The following CFAP299 variants were observed in gnomAD, a reference collection of about 807,000 sequenced individuals.
CFAP299 encodes cilia and flagella associated protein 299, also known as cilia- and flagella-associated protein 299.
A neutral mutation model predicts 27.0 loss-of-function variants in CFAP299; 21 were observed. The observed-to-expected ratio is 0.78, with a 90% confidence interval of 0.55 to 1.12. The LOEUF (loss-of-function observed/expected upper bound fraction) is 1.12. CFAP299 is among the 50% of genes most tolerant of loss of function. CFAP299 has a pLI of 0.00. For synonymous variants in CFAP299, 104 were observed against 98.1 expected (o/e 1.06, Z -0.36); for missense variants, 310 against 276.6 (o/e 1.12, Z -0.86).
At chr4:80,406,132 A>G (rs1198016484) in intron 2 of CFAP299, among the ~76,000 whole-genome samples, 2 of 152,206 alleles carry the variant, frequency 1.3e-5, no homozygotes, top group Non-Finnish European at 2.9e-5. Context: ...ATATGTTAGT[A>G]TATTGATTTA....
At chr4:80,728,680 A>G (rs1358506804) in intron 3 of CFAP299, among the ~76,000 whole-genome samples, 1 of 152,194 alleles carries the variant, frequency 6.6e-6, no homozygotes, top group Admixed American at 6.6e-5. Context: ...TCTTTGAGTT[A>G]TATTTTCTCA....
intron 2 of CFAP299, among the ~76,000 whole-genome samples, chr4:80,503,085 G>T (rs1578524027): frequency 6.6e-6 from 1 of 152,256 alleles, no homozygotes; most frequent in Middle Eastern, 3.4e-3. Context: ...CCTGCAGTCT[G>T]CCTAAACTGA....
Position 80,800,745 on chromosome 4 carries a change from CAG to C in CFAP299, c.334-69247_334-69246del, listed in dbSNP as rs568473557. Among the ~76,000 whole-genome samples the C allele has an allele frequency of 1.9e-3, 42 of 22,484 alleles. 1 individual carries two copies. The South Asian group carries it at 0.064, about 34-fold the overall frequency. The allele number at this position is 22,484 out of a possible 152,430, so 14.8% of individuals were successfully genotyped here. ...GTCCATATGTGTATATATATATAAT[CAG>C]TGTGTGTGTGTGTGTGTGTGTATAT... On this transcript the variant is annotated intron_variant, in intron 3 of 5. Transcript: ENST00000358105.
At chr4:80,850,124 C>A (rs1180384410) in intron 3 of CFAP299, among the ~76,000 whole-genome samples, 3 of 152,186 alleles carry the variant, frequency 2.0e-5, no homozygotes, top group East Asian at 3.9e-4. Flanking sequence ...GATACTTCAA[C>A]TTTCTGATTC....
chr4:80,933,501 T>A (rs1736735695), intron 4 of CFAP299, among the ~76,000 whole-genome samples: 1 of 152,160 alleles, frequency 6.6e-6, no homozygotes, highest in African/African-American at 2.4e-5. Flanking sequence ...AAAATTATAT[T>A]TGCATTGAAT....
intron 1 of CFAP299, among the ~76,000 whole-genome samples, chr4:80,344,949 T>C (rs1276409627): frequency 1.3e-5 from 2 of 152,100 alleles, no homozygotes; most frequent in Non-Finnish European, 2.9e-5. Flanking sequence ...CATCCCTTTA[T>C]GTTACTCTCA....
At chr4:80,327,761 A>AT in the CFAP299 span, among the ~76,000 whole-genome samples, 2 of 45,244 alleles carry the variant, frequency 4.4e-5, no homozygotes, top group South Asian at 6.1e-4. Context: ...TGAGAAAGCT[A>AT]AACTAGCTGG....
In CFAP299 at chr4:80,870,945, C is replaced by T. The variant is rs183618295; in HGVS notation, c.476+810C>T. The T allele has an allele frequency of 4.6e-3, 4,292 of 930,600 alleles. 22 individuals carry two copies. Among genetic ancestry groups the T allele is most frequent in the Non-Finnish European group, 4.7e-3 (3,687 of 779,998 alleles). 57.6% of individuals were successfully genotyped at this position (930,600 alleles called of 1,614,324 possible). On this transcript the variant is annotated intron_variant, in intron 4 of 5. Transcript: ENST00000358105. ...TTTTTGAGATGGAGTCTCGCTCTGT[C>T]GCCCAGGCTGGAGTGCAATGGTGCA...
chr4:80,609,052 TAAGTC>T (rs1218379742), intron 3 of CFAP299, among the ~76,000 whole-genome samples: 1 of 152,104 alleles, frequency 6.6e-6, no homozygotes, highest in African/African-American at 2.4e-5. Context: ...TTGAGACTGT[TAAGTC>T]AAGGTTATAA....
chr4:80,348,387 G>A (rs560082374), intron 1 of CFAP299, among the ~76,000 whole-genome samples: 5 of 152,134 alleles, frequency 3.3e-5, no homozygotes, highest in South Asian at 2.1e-4. Context: ...CAATCTATCC[G>A]TCTGACAAAG....
chr4:80,911,452 C>G (rs1735468795), intron 4 of CFAP299, among the ~76,000 whole-genome samples: 1 of 152,028 alleles, frequency 6.6e-6, no homozygotes, highest in South Asian at 2.1e-4. Flanking sequence ...TTTTCTGCCT[C>G]AAGTTTAGTA....
chr4:80,942,029 A>G (rs971232486), intron 4 of CFAP299, among the ~76,000 whole-genome samples: 1 of 152,158 alleles, frequency 6.6e-6, no homozygotes, highest in Non-Finnish European at 1.5e-5. Flanking sequence ...ATGGCTTTCA[A>G]ATTTATCATC....
At chr4:80,717,784 A>G (rs908954633) in intron 3 of CFAP299, among the ~76,000 whole-genome samples, 2 of 152,136 alleles carry the variant, frequency 1.3e-5, no homozygotes, top group African/African-American at 4.8e-5. Context: ...TGCAGGAAAA[A>G]TAGTCTAATT....
At chr4:80,437,878 T>C (rs1211225374) in intron 2 of CFAP299, among the ~76,000 whole-genome samples, 1 of 152,214 alleles carries the variant, frequency 6.6e-6, no homozygotes, top group Non-Finnish European at 1.5e-5. Flanking sequence ...CTATTGTTGT[T>C]GTCCTTTTTT....
At chr4:80,905,250 A>G (rs1248683298) in intron 4 of CFAP299, among the ~76,000 whole-genome samples, 1 of 152,152 alleles carries the variant, frequency 6.6e-6, no homozygotes, top group East Asian at 1.9e-4. Flanking sequence ...CAACCATTTG[A>G]CCACTCCAGT....
chr4:80,845,813 G>A (rs1429612961), intron 3 of CFAP299, among the ~76,000 whole-genome samples: 2 of 151,916 alleles, frequency 1.3e-5, no homozygotes, highest in Admixed American at 6.6e-5. Context: ...GAAATATCTA[G>A]TATATCAGAA....
At chr4:80,879,916 CCTT>C (rs1733605312) in intron 4 of CFAP299, among the ~76,000 whole-genome samples, 1 of 152,286 alleles carries the variant, frequency 6.6e-6, no homozygotes, top group Non-Finnish European at 1.5e-5. Flanking sequence ...TGCCTACATA[CCTT>C]CTTATTATTT....
intron 3 of CFAP299, among the ~76,000 whole-genome samples, chr4:80,674,736 T>C (rs1458668948): frequency 1.3e-5 from 2 of 152,292 alleles, no homozygotes; most frequent in Non-Finnish European, 2.9e-5. Context: ...ACTCTTTTTT[T>C]CTCTAAACTT....
chr4:80,946,278 G>C (rs977093069), intron 5 of CFAP299, among the ~76,000 whole-genome samples: 1 of 151,978 alleles, frequency 6.6e-6, no homozygotes, highest in Admixed American at 6.6e-5. Flanking sequence ...GATGGTGACA[G>C]TCCAAGGTTT....
Sources: gnomAD v4.1 joint callset for allele counts (sites outside exome capture counted in the v4.1 genomes callset) on GRCh38, gnomAD v4.1.1 for gene constraint, MANE v1.5 for transcripts, NCBI Gene and HGNC (gene_info 2026-07-23, HGNC 2026-07-21) for gene names.